The following NMRK1 variants were observed in gnomAD, a reference collection of about 807,000 sequenced individuals.
The protein encoded by NMRK1 is nicotinamide riboside kinase 1.
Under a neutral mutation model 29.9 loss-of-function variants are expected in NMRK1, and 28 were observed. The ratio of observed to expected loss-of-function variants is 0.94; its 90% CI spans 0.69 to 1.28. The LOEUF is 1.28. Ranked by LOEUF, NMRK1 falls within the 50% of genes most tolerant of loss-of-function variation. The probability of loss-of-function intolerance (pLI) is 0.00; values close to 1 mark genes in which losing one functional copy is unlikely to be tolerated. For synonymous variants in NMRK1, 58 were observed against 73.0 expected (o/e 0.79, Z 1.05); for missense variants, 218 against 233.1 (o/e 0.94, Z 0.42).
Position 75,069,649 on chromosome 9 carries a change from G to A in NMRK1, c.389+93C>T, listed in dbSNP as rs980449577. On this transcript the variant is annotated intron_variant, in intron 6 of 8. Transcript: ENST00000361092. ...AGGCTTCCTGTCTCTGAAAAATGAC[G>A]TATACGCATTGCTCAATAATGTTGC... 6.9e-5 allele frequency: 65 copies of A among 937,662 alleles called. No homozygotes were observed. In the East Asian group the frequency reaches 7.9e-4, roughly 11 times the overall value. 58.1% of individuals were successfully genotyped at this position (937,662 alleles called of 1,614,324 possible).
chr9:75,081,536 G>T (rs1204244855), intron 2 of NMRK1, among the ~76,000 whole-genome samples: 5 of 152,224 alleles, frequency 3.3e-5, no homozygotes, highest in Non-Finnish European at 5.9e-5. Flanking sequence ...AAGACAGAAG[G>T]TAGGTTTCTA....
At chr9:75,066,664 A>G (rs767575874) in intron 8 of NMRK1, 93 bp downstream of exon 8, 10 of 799,714 alleles carry the variant, frequency 1.3e-5, no homozygotes, top group African/African-American at 3.4e-5. Flanking sequence ...TCACTCCTAC[A>G]CTAGCATTCT....
intron 1 of NMRK1, among the ~76,000 whole-genome samples, chr9:75,087,354 T>A (rs1824720610): frequency 6.6e-6 from 1 of 152,192 alleles, no homozygotes; most frequent in Non-Finnish European, 1.5e-5. Context: ...CTCCAGTTCT[T>A]TCCTCCCACC....
chr9:75,067,534 C>T (rs1200700456), intron 7 of NMRK1, among the ~76,000 whole-genome samples: 1 of 152,100 alleles, frequency 6.6e-6, no homozygotes, highest in Non-Finnish European at 1.5e-5. Flanking sequence ...GGGGAAGCTC[C>T]AGGAACAGCG....
At chr9:75,085,169 C>T (rs1003070498) in intron 1 of NMRK1, among the ~76,000 whole-genome samples, 1 of 152,146 alleles carries the variant, frequency 6.6e-6, no homozygotes, top group Non-Finnish European at 1.5e-5. Context: ...ATTCCTTGCC[C>T]CCATTATTTT....
chr9:75,071,050 C>G (rs1267411200), intron 4 of NMRK1, among the ~76,000 whole-genome samples: 4 of 151,588 alleles, frequency 2.6e-5, no homozygotes, highest in Non-Finnish European at 5.9e-5. Context: ...TGTCTTAAAC[C>G]AAATTTGAGA....
intron 4 of NMRK1, 112 bp from the exon 5 acceptor site, chr9:75,070,154 T>C: frequency 1.4e-6 from 1 of 732,852 alleles, no homozygotes; most frequent in Non-Finnish European, 2.1e-6. Context: ...ACCATTTTAT[T>C]TCCCTTCAAA....
chr9:75,061,649 T>A, intron 8 of NMRK1, 82 bp from the exon 9 acceptor site: 4 of 1,178,470 alleles, frequency 3.4e-6, no homozygotes, highest in Non-Finnish European at 4.9e-6. Flanking sequence ...ACAGTAAATC[T>A]AAGGATGTTT....
At chr9:75,082,893 T>C in intron 2 of NMRK1, 194 bp downstream of exon 2, 1 of 564,258 alleles carries the variant, frequency 1.8e-6, no homozygotes, top group Non-Finnish European at 3.2e-6. Flanking sequence ...CTTCTGTTTC[T>C]CTGTTTATAG....
At chr9:75,078,680 T>C (rs113584337) in intron 2 of NMRK1, 2 of 478,580 alleles carry the variant, frequency 4.2e-6, no homozygotes, top group African/African-American at 2.0e-5. Context: ...TCTCCTTTAA[T>C]TATAAATGTA....
chr9:75,085,544 TA>T (rs3842206), intron 1 of NMRK1, among the ~76,000 whole-genome samples: 64,325 of 151,756 alleles, frequency 0.42, 14,630 homozygotes, highest in East Asian at 0.58. Flanking sequence ...GTCCCCGTCC[TA>T]AACTGCCACA....
Position 75,081,504 on chromosome 9 carries a change from G to T in NMRK1, c.29+1583C>A, listed in dbSNP as rs903872971. 6.2e-4 allele frequency among the ~76,000 whole-genome samples: 95 copies of T among 152,292 alleles called. 2 individuals are homozygous for T. The highest frequency in any genetic ancestry group is 6.2e-3 in the Admixed American group (95 of 15,292). ...AAGAAGGCTTTCTTAGGGAGTTATG[G>T]ATAGTACCTAGTACACAGGACAAGA... is the stretch of plus-strand genomic sequence containing the variant. On this transcript the variant is annotated intron_variant, in intron 2 of 8. Transcript: ENST00000361092.
At chr9:75,068,606 G>A (rs1001524384) in intron 7 of NMRK1, among the ~76,000 whole-genome samples, 2 of 152,160 alleles carry the variant, frequency 1.3e-5, no homozygotes, top group Non-Finnish European at 2.9e-5. Context: ...CCTGACTACC[G>A]GGATCTCGGC....
At chr9:75,079,379 G>T (rs1019769058) in intron 2 of NMRK1, among the ~76,000 whole-genome samples, 2 of 152,176 alleles carry the variant, frequency 1.3e-5, no homozygotes, top group African/African-American at 4.8e-5. Flanking sequence ...TTAAGTTTTG[G>T]TTTAAATGAG....
chr9:75,068,834 C>T (rs1823521500), intron 7 of NMRK1, among the ~76,000 whole-genome samples, 162 bp downstream of exon 7: 1 of 152,200 alleles, frequency 6.6e-6, no homozygotes, highest in Admixed American at 6.5e-5. Flanking sequence ...ACAAGAGCCA[C>T]AGAGAGAAAC....
chr9:75,076,347 C>A (rs971844891), intron 4 of NMRK1, among the ~76,000 whole-genome samples: 2 of 152,038 alleles, frequency 1.3e-5, no homozygotes, highest in Admixed American at 1.3e-4. Context: ...TATCCCATGT[C>A]CTCATGCATA....
At chr9:75,077,991 GA>G (rs1303510491) in intron 2 of NMRK1, among the ~76,000 whole-genome samples, 1 of 151,942 alleles carries the variant, frequency 6.6e-6, no homozygotes. Context: ...TACTATTTAA[GA>G]AAAAAATGAT....
chr9:75,066,176 C>G (rs757569806), intron 8 of NMRK1: 2 of 463,098 alleles, frequency 4.3e-6, no homozygotes, highest in Admixed American at 5.0e-5. Context: ...CAATGGAACA[C>G]TAGGCATAAA....
intron 2 of NMRK1, among the ~76,000 whole-genome samples, chr9:75,081,590 A>T (rs984541172): frequency 6.6e-6 from 1 of 152,150 alleles, no homozygotes; most frequent in African/African-American, 2.4e-5. Flanking sequence ...GGGAAATCTT[A>T]TTTACAGAGA....
Sources: gnomAD v4.1 joint callset for allele counts (sites outside exome capture counted in the v4.1 genomes callset) on GRCh38, gnomAD v4.1.1 for gene constraint, MANE v1.5 for transcripts, NCBI Gene and HGNC (gene_info 2026-07-23, HGNC 2026-07-21) for gene names.